The following THEMIS variants were observed in gnomAD, a reference collection of about 807,000 sequenced individuals.
The protein encoded by THEMIS is thymocyte selection associated, also known as protein THEMIS.
THEMIS carries 37 observed loss-of-function variants against 52.6 expected under a neutral mutation model. The observed-to-expected ratio is 0.70, with a 90% confidence interval of 0.54 to 0.93. The LOEUF is 0.93. THEMIS is among the 40% of genes least tolerant of loss of function. The pLI, the probability that THEMIS is intolerant of heterozygous loss-of-function variation, is 0.00. For synonymous variants in THEMIS, 292 were observed against 272.7 expected (o/e 1.07, Z -0.70); for missense variants, 808 against 763.1 (o/e 1.06, Z -0.69).
downstream of THEMIS, among the ~76,000 whole-genome samples, chr6:127,703,729 A>G (rs762623516): frequency 7.2e-5 from 11 of 152,248 alleles, no homozygotes; most frequent in Non-Finnish European, 1.3e-4. Context: ...AGATGTGGTC[A>G]TATGGATAAA....
At chr6:127,727,112 C>T (rs923228152) in intron 4 of THEMIS, among the ~76,000 whole-genome samples, 7 of 152,168 alleles carry the variant, frequency 4.6e-5, no homozygotes, top group African/African-American at 1.7e-4. Context: ...AGTTGGCTTA[C>T]TCAAAATGCT....
At chr6:127,747,553 C>T (rs1030707973) in intron 4 of THEMIS, among the ~76,000 whole-genome samples, 1 of 151,178 alleles carries the variant, frequency 6.6e-6, no homozygotes. Context: ...AAAGAAGATT[C>T]ATCAAAATTG....
intron 1 of THEMIS, among the ~76,000 whole-genome samples, chr6:127,894,732 T>C (rs1780912202): frequency 6.6e-6 from 1 of 151,592 alleles, no homozygotes; most frequent in South Asian, 2.1e-4. Context: ...GTTTAGTAGG[T>C]CATCCAGGAG....
chr6:127,742,215 T>C (rs1775225747), intron 4 of THEMIS, among the ~76,000 whole-genome samples: 1 of 150,470 alleles, frequency 6.6e-6, no homozygotes, highest in South Asian at 2.1e-4. Flanking sequence ...CTTGGGAGGC[T>C]GAGGCAAGAG....
At chr6:127,793,296 C>T (rs533377055) in intron 4 of THEMIS, among the ~76,000 whole-genome samples, 38 of 152,204 alleles carry the variant, frequency 2.5e-4, no homozygotes, top group African/African-American at 8.7e-4. Flanking sequence ...ACTTTAAGAT[C>T]AAATGGATTA....
intron 4 of THEMIS, among the ~76,000 whole-genome samples, chr6:127,810,154 A>T (rs1400647287): frequency 1.3e-5 from 2 of 152,010 alleles, no homozygotes; most frequent in Non-Finnish European, 2.9e-5. Context: ...CACTTAGATC[A>T]TTTTCATTTA....
chr6:127,857,671 C>T (rs969248376), intron 1 of THEMIS, among the ~76,000 whole-genome samples: 4 of 152,060 alleles, frequency 2.6e-5, no homozygotes, highest in African/African-American at 9.7e-5. Flanking sequence ...CCTTGGTCCA[C>T]CACATCACCT....
Position 127,813,487 on chromosome 6 carries a change from A to G in THEMIS, c.1154T>C (p.Val385Ala), listed in dbSNP as rs1484817925. ...CTGATGCACCAGAAACTGGTCCCCA[A>G]CAGATACGGATGACAGCTTGTCATG... ...SPHDKLSSVS[V>A]GDQFLVHQSE... The change falls in exon 4 of 6, where the codon GTT (valine) becomes GCT (alanine). Residue 385 changes from valine (V) to alanine (A), a missense_variant. By Grantham distance (64) the Val-to-Ala change is moderately conservative (BLOSUM62 0). Coordinates refer to ENST00000368248, the MANE Select transcript of THEMIS (RefSeq NM_001010923.3). 3 of 1,614,026 alleles carry G rather than the reference A, an allele frequency of 1.9e-6. No individual in the cohort carries two copies. Among genetic ancestry groups the G allele is most frequent in the Non-Finnish European group, 8.5e-7 (1 of 1,179,988 alleles).
intron 4 of THEMIS, among the ~76,000 whole-genome samples, chr6:127,765,039 C>T (rs1237503540): frequency 1.3e-5 from 2 of 151,982 alleles, no homozygotes; most frequent in Non-Finnish European, 2.9e-5. Context: ...CAGGGATACC[C>T]GTTGAGACTT....
intron 2 of THEMIS, among the ~76,000 whole-genome samples, chr6:127,834,417 C>CAAAAAAAAA (rs34484234): frequency 7.0e-5 from 7 of 99,418 alleles, no homozygotes; most frequent in African/African-American, 1.2e-4. Context: ...ACTAAAAATA[C>CAAAAAAAAA]AAAAAAAAAA....
chr6:127,780,812 G>T (rs952188774), intron 4 of THEMIS, among the ~76,000 whole-genome samples: 2 of 151,738 alleles, frequency 1.3e-5, no homozygotes, highest in Non-Finnish European at 2.9e-5. Context: ...AACCTTTCTG[G>T]TTGCTCTAAA....
rs144287672 is a variant in THEMIS, at chr6:127,782,536, C to T, written c.1758+30347G>A. The stretch of plus-strand genomic sequence containing the variant: ...TCATGACACAGTTCCTCACAGCTTC[C>T]CTTGGCTAGGGAAGGGAGTTCCCTG... On this transcript the variant is annotated intron_variant, in intron 4 of 5. Transcript: ENST00000368248. Among the ~76,000 whole-genome samples the T allele has an allele frequency of 1.5e-3, 230 of 152,336 alleles. 1 individual carries two copies. The highest frequency in any genetic ancestry group is 4.9e-3 in the African/African-American group (204 of 41,582).
At chr6:127,774,333 G>A (rs1255701008) in intron 4 of THEMIS, among the ~76,000 whole-genome samples, 1 of 152,224 alleles carries the variant, frequency 6.6e-6, no homozygotes, top group Non-Finnish European at 1.5e-5. Flanking sequence ...AGCCTCCCGA[G>A]TAGCTGGGAC....
intron 1 of THEMIS, among the ~76,000 whole-genome samples, chr6:127,911,637 A>G (rs1463850855): frequency 2.0e-5 from 3 of 151,476 alleles, no homozygotes; most frequent in Non-Finnish European, 4.4e-5. Context: ...CTAATCCAAT[A>G]CTACATGGTT....
intron 2 of THEMIS, among the ~76,000 whole-genome samples, chr6:127,843,272 C>T (rs1379845941): frequency 6.6e-6 from 1 of 151,520 alleles, no homozygotes; most frequent in Non-Finnish European, 1.5e-5. Flanking sequence ...AAAAATATCA[C>T]CTCTTTTTTT....
At chr6:127,874,542 T>C (rs1284138794) in intron 1 of THEMIS, among the ~76,000 whole-genome samples, 4 of 152,018 alleles carry the variant, frequency 2.6e-5, no homozygotes, top group Non-Finnish European at 1.5e-5. Context: ...ACGTTGTGAG[T>C]TTTTTCAAAT....
upstream of THEMIS, among the ~76,000 whole-genome samples, chr6:127,902,596 T>A (rs995782427): frequency 2.0e-5 from 3 of 152,106 alleles, no homozygotes; most frequent in Non-Finnish European, 4.4e-5. Flanking sequence ...TAATCCTATT[T>A]GACATTTTCA....
chr6:127,857,156 T>C (rs146529396), intron 1 of THEMIS, among the ~76,000 whole-genome samples: 3 of 151,854 alleles, frequency 2.0e-5, no homozygotes, highest in Admixed American at 6.6e-5. Flanking sequence ...AGAAGCATTG[T>C]CTTGAAGGGA....
At chr6:127,740,723 G>A (rs938890268) in intron 4 of THEMIS, among the ~76,000 whole-genome samples, 4 of 152,168 alleles carry the variant, frequency 2.6e-5, no homozygotes, top group African/African-American at 9.7e-5. Context: ...CAAGCAATCT[G>A]TGATGAACAT....
Sources: gnomAD v4.1 joint callset for allele counts (sites outside exome capture counted in the v4.1 genomes callset) on GRCh38, gnomAD v4.1.1 for gene constraint, MANE v1.5 for transcripts, NCBI Gene and HGNC (gene_info 2026-07-23, HGNC 2026-07-21) for gene names.